The following HOMER2 variants were observed in gnomAD, a reference collection of about 807,000 sequenced individuals.
HOMER2 encodes the protein homer scaffold protein 2.
HOMER2 carries 27 observed loss-of-function variants against 47.0 expected under a neutral mutation model. The observed-to-expected ratio is 0.57, with a 90% CI of 0.42 to 0.79. The LOEUF (loss-of-function observed/expected upper bound fraction) is 0.79. Among genes scored for constraint, HOMER2 ranks in the 30% least tolerant of loss-of-function variants. HOMER2 has a pLI of 0.00. For missense variants in HOMER2, 443 were observed against 435.0 expected, an observed-to-expected ratio of 1.02 and a Z score of -0.16; for synonymous variants, 161 against 163.8, an observed-to-expected ratio of 0.98 and a Z score of 0.13.
chr15:82,868,541 A>ATATT lies in HOMER2; in HGVS notation c.295-4283_295-4282insAATA. Among the ~76,000 whole-genome samples, 286 of 71,262 alleles carry ATATT rather than the reference A, an allele frequency of 4.0e-3. 7 individuals are homozygous for ATATT. Among genetic ancestry groups the ATATT allele is most frequent in the African/African-American group, 0.013 (264 of 19,990 alleles). 46.8% of individuals were successfully genotyped at this position (71,262 alleles called of 152,430 possible). A position where few individuals can be genotyped will look rare whatever the true frequency, so the allele number is the denominator to read the frequency against. On this transcript the variant is annotated intron_variant, in intron 3 of 8. Transcript: ENST00000450735. ...ATTTATTTTATATATATATATATAT[A>ATATT]TTTTTTTTTTTTTTTTTCCCCTTTT...
At chr15:82,840,816 A>C (rs973007398) in exon 2 of HOMER2, 35 of 151,400 alleles carry the variant, frequency 2.3e-4, no homozygotes, top group African/African-American at 7.5e-4. Context: ...AATTAAAAAA[A>C]AACAACAACC....
At chr15:82,969,458 C>A (rs1236409171) in intron 1 of HOMER2, among the ~76,000 whole-genome samples, 1 of 152,178 alleles carries the variant, frequency 6.6e-6, no homozygotes, top group East Asian at 1.9e-4. Flanking sequence ...CTAGACATCA[C>A]TTCTGTTCAT....
chr15:82,981,910 CTCGAGA>C (rs149310841), intron 1 of HOMER2, among the ~76,000 whole-genome samples: 5,208 of 152,200 alleles, frequency 0.034, 265 homozygotes, highest in African/African-American at 0.11. Context: ...ATGAAAAAAT[CTCGAGA>C]TGGATGGCGG....
chr15:82,850,586 T>C (rs2051360734), intron 8 of HOMER2, among the ~76,000 whole-genome samples: 1 of 152,190 alleles, frequency 6.6e-6, no homozygotes, highest in South Asian at 2.1e-4. Context: ...GAGCTTTATG[T>C]TGAGGGAATA....
intron 7 of HOMER2, among the ~76,000 whole-genome samples, chr15:82,851,728 G>A (rs1425604191): frequency 6.6e-6 from 1 of 152,160 alleles, no homozygotes; most frequent in Non-Finnish European, 1.5e-5. Flanking sequence ...CCCAGTTCAA[G>A]ACCAGCCTGG....
chr15:82,871,672 A>G (rs1187670602), intron 3 of HOMER2, among the ~76,000 whole-genome samples: 1 of 152,174 alleles, frequency 6.6e-6, no homozygotes, highest in Non-Finnish European at 1.5e-5. Context: ...CCAGCACTGC[A>G]CCAGAGGCTG....
intron 1 of HOMER2, among the ~76,000 whole-genome samples, chr15:82,899,250 C>G (rs1243728941): frequency 6.6e-6 from 1 of 152,254 alleles, no homozygotes; most frequent in Admixed American, 6.5e-5. Context: ...TCACTGGACC[C>G]AATACATCCT....
chr15:82,975,289 G>C (rs187649946), intron 1 of HOMER2, among the ~76,000 whole-genome samples: 2 of 152,308 alleles, frequency 1.3e-5, no homozygotes, highest in East Asian at 3.9e-4. Flanking sequence ...AACCACTATA[G>C]AGAACATTTT....
chr15:82,882,796 T>C (rs2052566089), intron 2 of HOMER2, among the ~76,000 whole-genome samples: 1 of 152,100 alleles, frequency 6.6e-6, no homozygotes, highest in Non-Finnish European at 1.5e-5. Context: ...GCCTGTGCTC[T>C]TTGGCTGCCC....
Position 82,875,364 on chromosome 15 carries a change from G to C in HOMER2, c.203C>G (p.Thr68Ser). Residue 68 changes from threonine to serine, a missense_variant, in exon 3 of 9, where the codon ACC (threonine) becomes AGC (serine). Transcript: ENST00000450735. Reference sequence around the variant, plus strand: ...CTGCCCAAACTTCTGTGACGTTTTGGTGAAGGTCATATTCGGTGTGATTGT... The same window carrying C: ...CTGCCCAAACTTCTGTGACGTTTTGCTGAAGGTCATATTCGGTGTGATTGT... ...NSTITPNMTF[T>S]KTSQKFGQWA... 1.2e-6 allele frequency: 2 copies of C among 1,613,952 alleles called. No homozygotes were observed. The highest frequency in any genetic ancestry group is 1.7e-6 in the Non-Finnish European group (2 of 1,179,868).
Position 82,874,568 on chromosome 15 carries a change from A to T in HOMER2, c.294+705T>A, listed in dbSNP as rs75498705. On this transcript the variant is annotated intron_variant, in intron 3 of 8. Coordinates refer to ENST00000450735, the MANE Select transcript of HOMER2 (RefSeq NM_004839.4). ...TCCTCAACACCTTTCTAACCATCCA[A>T]GGAGTTTGTCCCAGGGCCCTTGGAG... 2.4e-3 allele frequency among the ~76,000 whole-genome samples: 369 copies of T among 152,212 alleles called. 8 individuals carry two copies. In the East Asian group the frequency reaches 0.058, roughly 24 times the overall value.
chr15:82,930,284 G>A (rs575937696), intron 1 of HOMER2, among the ~76,000 whole-genome samples: 5 of 152,254 alleles, frequency 3.3e-5, no homozygotes, highest in East Asian at 3.9e-4. Flanking sequence ...ATGAAATACC[G>A]TATAAAGGGA....
At chr15:82,971,343 C>T (rs185103463) in intron 1 of HOMER2, among the ~76,000 whole-genome samples, 1 of 151,892 alleles carries the variant, frequency 6.6e-6, no homozygotes, top group African/African-American at 2.4e-5. Flanking sequence ...TGATTCCTAT[C>T]CTTTCTCAAG....
At chr15:82,844,983 T>TG (rs2051219257), downstream of HOMER2, 1 of 152,162 alleles carries the variant, frequency 6.6e-6, no homozygotes, top group African/African-American at 2.4e-5. Flanking sequence ...CCAGGTGCCC[T>TG]GGGGGTCTCT....
At chr15:82,926,380 CA>C (rs1192322068) in intron 1 of HOMER2, 1 of 152,142 alleles carries the variant, frequency 6.6e-6, no homozygotes, top group Non-Finnish European at 1.5e-5. Flanking sequence ...CTGTCCCCTC[CA>C]AAACTCATGT....
At chr15:82,903,619 A>AACAC (rs562702267) in intron 1 of HOMER2, among the ~76,000 whole-genome samples, 9 of 150,730 alleles carry the variant, frequency 6.0e-5, no homozygotes, top group Admixed American at 1.3e-4. Flanking sequence ...AACTCCTCTA[A>AACAC]ACACACACAC....
At chr15:82,901,895 G>A (rs778041485) in intron 1 of HOMER2, among the ~76,000 whole-genome samples, 7 of 152,210 alleles carry the variant, frequency 4.6e-5, no homozygotes, top group African/African-American at 7.2e-5. Flanking sequence ...AAATAGCTTG[G>A]GGGCTGCATA....
rs1007111505 is a variant in HOMER2 at position 82,849,638 on chromosome 15, C to G, written c.*77G>C. 1.4e-5 allele frequency: 19 copies of G among 1,326,588 alleles called. No homozygotes were observed. The African/African-American group carries it at 2.5e-4, about 17-fold the overall frequency. 82.2% of individuals were successfully genotyped at this position (1,326,588 alleles called of 1,614,324 possible). On this transcript the variant is annotated 3_prime_UTR_variant, in exon 9 of 9. Transcript: ENST00000450735. ...CCTGCATTTACAGAAGCAATGCACA[C>G]AGAAGAACGTCCTAGAGCTATCTGG...
At chr15:82,899,925 G>A (rs1005557468) in intron 1 of HOMER2, among the ~76,000 whole-genome samples, 2 of 152,180 alleles carry the variant, frequency 1.3e-5, no homozygotes, top group Admixed American at 1.3e-4. Context: ...GGGAGGCTGA[G>A]GCAGGAGAAT....
Sources: allele counts gnomAD v4.1 joint callset (sites outside exome capture counted in the v4.1 genomes callset), GRCh38; gene constraint gnomAD v4.1.1; transcripts MANE v1.5; gene names NCBI Gene and HGNC (gene_info 2026-07-23, HGNC 2026-07-21).